Variants in ITSN2 observed in about 807,000 individuals in gnomAD.
ITSN2 encodes the protein intersectin-2.
ITSN2 carries 156 observed loss-of-function variants against 243.7 expected under a neutral mutation model. That is an observed-to-expected ratio of 0.64 (90% CI 0.56 to 0.73). ITSN2 has a LOEUF of 0.73. ITSN2 is among the 30% of genes least tolerant of loss of function. The pLI, the probability that ITSN2 is intolerant of heterozygous loss-of-function variation, is 0.00. For missense variants in ITSN2, 1,801 were observed against 1,996.1 expected (o/e 0.90, Z 1.86); for synonymous variants, 703 against 699.9 (o/e 1.00, Z -0.07).
chr2:24,234,314 T>C (rs947695958), intron 29 of ITSN2, among the ~76,000 whole-genome samples: 3 of 148,916 alleles, frequency 2.0e-5, no homozygotes, highest in Non-Finnish European at 3.0e-5. Flanking sequence ...AAATGAAATA[T>C]AGACACAGGT....
At chr2:24,293,417 C>T in intron 15 of ITSN2, 1 of 222,810 alleles carries the variant, frequency 4.5e-6, no homozygotes, top group South Asian at 8.2e-5. Flanking sequence ...TAGTCTAACA[C>T]TTTATTTGAT....
intron 1 of ITSN2, among the ~76,000 whole-genome samples, chr2:24,337,190 T>A (rs1246822967): frequency 6.7e-6 from 1 of 149,952 alleles, no homozygotes; most frequent in Non-Finnish European, 1.5e-5. Flanking sequence ...TTTTGAATCA[T>A]TTTGATTAAA....
At chr2:24,228,999 G>A (rs1558453467) in intron 29 of ITSN2, among the ~76,000 whole-genome samples, 1 of 151,886 alleles carries the variant, frequency 6.6e-6, no homozygotes. Flanking sequence ...CGTATGAGAT[G>A]GTAGAAACAT....
At chr2:24,321,334 C>T (rs548041195) in intron 2 of ITSN2, among the ~76,000 whole-genome samples, 6 of 152,176 alleles carry the variant, frequency 3.9e-5, no homozygotes, top group Non-Finnish European at 8.8e-5. Context: ...TAAACTCATA[C>T]ATAATTCCTG....
At chr2:24,250,106 C>T (rs571844849) in intron 25 of ITSN2, among the ~76,000 whole-genome samples, 7 of 152,240 alleles carry the variant, frequency 4.6e-5, no homozygotes, top group African/African-American at 1.7e-4. Flanking sequence ...AAGTCCATAC[C>T]TTTTAAAAGT....
chr2:24,310,114 A>G (rs1266504323), intron 7 of ITSN2, among the ~76,000 whole-genome samples, 170 bp downstream of exon 7: 1 of 152,208 alleles, frequency 6.6e-6, no homozygotes, highest in Non-Finnish European at 1.5e-5. Flanking sequence ...TAATTCTAAA[A>G]ATAAAAAATT....
intron 29 of ITSN2, among the ~76,000 whole-genome samples, chr2:24,222,252 C>CAAAA (rs549424233): frequency 7.7e-5 from 5 of 64,970 alleles, no homozygotes; most frequent in African/African-American, 1.2e-4. Flanking sequence ...ACTTCATCTC[C>CAAAA]AAAAAAAAAA....
chr2:24,233,163 A>G (rs1469135395), intron 29 of ITSN2, among the ~76,000 whole-genome samples: 2 of 152,136 alleles, frequency 1.3e-5, no homozygotes, highest in Non-Finnish European at 2.9e-5. Flanking sequence ...TCATATGCAC[A>G]TATATATTTT....
chr2:24,301,095 T>G, intron 11 of ITSN2, 59 bp downstream of exon 11: 1 of 909,278 alleles, frequency 1.1e-6, no homozygotes, highest in South Asian at 1.9e-5. Context: ...TCCATTACAT[T>G]TAAAGGTAGA....
intron 13 of ITSN2, among the ~76,000 whole-genome samples, chr2:24,297,049 A>ATG (rs1419811897): frequency 1.3e-5 from 2 of 152,224 alleles, no homozygotes; most frequent in East Asian, 1.9e-4. Flanking sequence ...ATATATATAT[A>ATG]TAAAAATAGT....
At position 24,205,271 on chromosome 2, in the gene ITSN2, C is replaced by G. The variant is rs375882726; in HGVS notation, c.4705G>C (p.Gly1569Arg). The G allele has an allele frequency of 6.2e-7, 1 of 1,613,956 alleles. No homozygotes were observed. Among genetic ancestry groups the G allele is most frequent in the East Asian group, 2.2e-5 (1 of 44,882 alleles). Reference sequence around the variant, plus strand: ...TCAATGACATGCACCATCAGGCGCCCAATGCCTGAAGTCTTTTGGGAGCGG... The same window carrying G: ...TCAATGACATGCACCATCAGGCGCCGAATGCCTGAAGTCTTTTGGGAGCGG... ...QARSQKTSGI[G>R]RLMVHVIEAT... Residue 1569 changes from glycine to arginine, a missense_variant, in exon 38 of 40, where the codon GGG (glycine) becomes CGG (arginine). Gly to Arg is a moderately radical substitution (Grantham distance 125). Around this residue, in one of 5 missense-constraint regions of ITSN2, gnomAD observed 928 missense variants for 1,065.4 expected, o/e 0.87. Coordinates refer to ENST00000355123, the MANE Select transcript of ITSN2 (RefSeq NM_006277.3).
intron 17 of ITSN2, among the ~76,000 whole-genome samples, chr2:24,276,095 A>G (rs145783921): frequency 1.3e-5 from 2 of 152,328 alleles, no homozygotes; most frequent in East Asian, 1.9e-4. Context: ...GGAACACAGA[A>G]TCTTTAACAA....
intron 36 of ITSN2, 108 bp from the exon 37 acceptor site, chr2:24,208,427 C>G: frequency 2.5e-6 from 2 of 799,810 alleles, no homozygotes; most frequent in Non-Finnish European, 4.2e-6. Flanking sequence ...CCTCAACTTT[C>G]ACAAGTTTCC....
In ITSN2 at chr2:24,208,285, C is replaced by G; in HGVS notation, c.4630G>C (p.Glu1544Gln). 1 of 1,611,272 alleles carries G rather than the reference C, an allele frequency of 6.2e-7. No individual in the cohort carries two copies. Among genetic ancestry groups the G allele is most frequent in the African/African-American group, 1.3e-5 (1 of 74,588 alleles). The change falls in exon 37 of 40, where the codon GAG (glutamate) becomes CAG (glutamine). Residue 1544 changes from glutamate to glutamine, a missense_variant. By Grantham distance (29) the Glu-to-Gln change is conservative. Coordinates refer to ENST00000355123, the MANE Select transcript of ITSN2 (RefSeq NM_006277.3). ...TTCTTCTCGGTGTCGATGTACTGCT[C>G]AGACGCCGCCTTGATCTTCTGCACC... ...AWVQKIKAAS[E>Q]QYIDTEKKKR...
Position 24,256,202 on chromosome 2 carries a change from C to T in ITSN2, c.2888+1686G>A, listed in dbSNP as rs573685411. Among the ~76,000 whole-genome samples, 19 of 152,270 alleles carry T rather than the reference C, an allele frequency of 1.2e-4. No individual in the cohort carries two copies. The East Asian group carries it at 2.9e-3, about 23-fold the overall frequency. Reference sequence around the variant, plus strand: ...TTGCGCCACTGCGCTCCAGCCTGGCCGAAAGAGCGAGACTCCATCTCAAAA... The same window carrying T: ...TTGCGCCACTGCGCTCCAGCCTGGCTGAAAGAGCGAGACTCCATCTCAAAA... On this transcript the variant is annotated intron_variant, in intron 23 of 39. Transcript: ENST00000355123.
intron 1 of ITSN2, among the ~76,000 whole-genome samples, chr2:24,337,305 G>A (rs1220527840): frequency 8.9e-5 from 3 of 33,820 alleles, no homozygotes; most frequent in Non-Finnish European, 1.4e-4. Context: ...GTGTGTGTGT[G>A]TATACACAAA....
chr2:24,221,783 T>C (rs1573902973), intron 29 of ITSN2, among the ~76,000 whole-genome samples: 1 of 152,330 alleles, frequency 6.6e-6, no homozygotes, highest in East Asian at 1.9e-4. Context: ...CAACCTTGCA[T>C]CAGGGTGAGA....
At chr2:24,220,728 G>T in intron 30 of ITSN2, 3 of 1,349,134 alleles carry the variant, frequency 2.2e-6, no homozygotes, top group Non-Finnish European at 1.9e-6. Context: ...TCATCTGGGG[G>T]AAAGAGCTCA....
intron 18 of ITSN2, 62 bp from the exon 19 acceptor site, chr2:24,272,003 C>A: frequency 7.8e-7 from 1 of 1,287,820 alleles, no homozygotes; most frequent in Non-Finnish European, 1.1e-6. Flanking sequence ...TAAATAAAAA[C>A]ATACTAAGAT....
Sources: allele counts gnomAD v4.1 joint callset (sites outside exome capture counted in the v4.1 genomes callset), GRCh38; gene constraint gnomAD v4.1.1; regional missense constraint gnomAD v4.1.1; transcripts MANE v1.5; gene names NCBI Gene and HGNC (gene_info 2026-07-23, HGNC 2026-07-21).